The following ZNF77 variants were observed in gnomAD, a reference collection of about 807,000 sequenced individuals.
The protein encoded by ZNF77 is zinc finger protein 77.
ZNF77 carries 15 observed loss-of-function variants against 13.5 expected under a neutral mutation model. That is an observed-to-expected ratio of 1.11 (90% CI 0.74 to 1.71). The LOEUF is 1.71. Ranked by LOEUF, ZNF77 falls within the 40% of genes most tolerant of loss-of-function variation. The pLI, the probability that ZNF77 is intolerant of heterozygous loss-of-function variation, is 0.00. For synonymous variants in ZNF77, 282 were observed against 250.0 expected (o/e 1.13, Z -1.21); for missense variants, 717 against 676.4 (o/e 1.06, Z -0.67).
At chr19:2,936,305 G>A (rs1308294444) in intron 3 of ZNF77, among the ~76,000 whole-genome samples, 7 of 152,058 alleles carry the variant, frequency 4.6e-5, no homozygotes, top group East Asian at 1.9e-4. Flanking sequence ...GAGCCACCAC[G>A]CCCAGCTAAT....
chr19:2,938,846 T>C (rs1263706285), intron 2 of ZNF77, among the ~76,000 whole-genome samples: 8 of 151,890 alleles, frequency 5.3e-5, no homozygotes, highest in South Asian at 4.2e-4. Flanking sequence ...GTCCCAGCTA[T>C]TCAGGAGGCT....
chr19:2,940,891 G>C (rs12052048), intron 1 of ZNF77, among the ~76,000 whole-genome samples: 1 of 151,684 alleles, frequency 6.6e-6, no homozygotes, highest in Non-Finnish European at 1.5e-5. Flanking sequence ...AATGCTATCA[G>C]CAGCTGGGCT....
Position 2,944,961 on chromosome 19 carries a change from G to A in ZNF77, c.-121C>T. On this transcript the variant is annotated 5_prime_UTR_variant, in exon 1 of 4. Coordinates refer to ENST00000314531, the MANE Select transcript of ZNF77 (RefSeq NM_021217.3). ...GCGGGGAAGCGCGCAAGGCAGAGGG[G>A]AACTCGGCTTACCGTCCTCGGGGTC... is the stretch of plus-strand genomic sequence containing the variant. 1 of 1,305,082 alleles carries A rather than the reference G, an allele frequency of 7.7e-7. No homozygotes were observed. The highest frequency in any genetic ancestry group is 1.0e-6 in the Non-Finnish European group (1 of 985,384). The allele number at this position is 1,305,082 out of a possible 1,614,324, so 80.8% of individuals were successfully genotyped here. A position where few individuals can be genotyped will look rare whatever the true frequency, so the allele number is the denominator to read the frequency against.
In ZNF77 at chr19:2,934,814, TTC is replaced by T; in HGVS notation, c.312-1_312del. On this transcript the variant is annotated splice_acceptor_variant and coding_sequence_variant, in exon 4 of 4. Coordinates refer to ENST00000314531, the MANE Select transcript of ZNF77 (RefSeq NM_021217.3). LOFTEE classifies it high-confidence loss of function. ...CTTTCACAGAGTCTCCCCAGCTGAC[TTC>T]TGTTCAAAATGGGAAGCAAGCTACT... is the stretch of plus-strand genomic sequence containing the variant. 1 of 1,597,366 alleles carries T rather than the reference TTC, an allele frequency of 6.3e-7. No individual in the cohort carries two copies. The highest frequency in any genetic ancestry group is 8.6e-7 in the Non-Finnish European group (1 of 1,168,652).
At position 2,934,459 on chromosome 19, in the gene ZNF77, C is replaced by T. The variant is rs2088377148; in HGVS notation, c.668G>A (p.Cys223Tyr). The change falls in exon 4 of 4, where the codon TGT (cysteine) becomes TAT (tyrosine). Residue 223 changes from cysteine to tyrosine, a missense_variant. Physicochemically the swap from Cys to Tyr is radical, Grantham distance 194 (BLOSUM62 -2). Transcript: ENST00000314531. ...ECQKCGKAFI[C>Y]PSSFRGHVNS... ...CACATGTCCCCTGAAAGATGAGGGA[C>T]AAATGAAAGCTTTTCCACATTTCTG... 2 of 1,614,208 alleles carry T rather than the reference C, an allele frequency of 1.2e-6. No individual in the cohort carries two copies. The highest frequency in any genetic ancestry group is 1.7e-6 in the Non-Finnish European group (2 of 1,180,030).
chr19:2,933,838 T>C lies in ZNF77; in HGVS notation c.1289A>G (p.His430Arg), dbSNP rs1466061719. 1 of 1,613,764 alleles carries C rather than the reference T, an allele frequency of 6.2e-7. No homozygotes were observed. The highest frequency in any genetic ancestry group is 8.5e-7 in the Non-Finnish European group (1 of 1,179,746). Residue 430 changes from histidine to arginine, a missense_variant, in exon 4 of 4, where the codon CAT becomes CGT. Coordinates refer to ENST00000314531, the MANE Select transcript of ZNF77 (RefSeq NM_021217.3). ...ACACTCAAAGGGCTTCTCTCCAGTA[T>C]GCGTCCTCACGTGGATTCGAAGGGA... Reference protein sequence around the residue: ...SSSLRIHVRTHTGEKPFECKH... With the variant: ...SSSLRIHVRTRTGEKPFECKH...
chr19:2,943,692 ATTTTT>A (rs10633206), intron 1 of ZNF77, among the ~76,000 whole-genome samples: 39 of 76,770 alleles, frequency 5.1e-4, no homozygotes, highest in Non-Finnish European at 8.0e-4. Flanking sequence ...TCTAGCCAGG[ATTTTT>A]TTTTTTTTTT....
Position 2,933,801 on chromosome 19 carries a change from C to T in ZNF77, c.1326G>A (p.Gly442=), listed in dbSNP as rs756590467. Reference sequence around the variant, plus strand: ...GGGAGGAGTGACAGCTGAAGGCTTTCCCACAATGCTTACACTCAAAGGGCT... The same window carrying T: ...GGGAGGAGTGACAGCTGAAGGCTTTTCCACAATGCTTACACTCAAAGGGCT... The part of the protein sequence containing the change: ...GEKPFECKHC[G]KAFSCHSSLR... Residue 442 remains glycine (G), a synonymous_variant, in exon 4 of 4, where the codon GGG becomes GGA. Transcript: ENST00000314531. 6.2e-7 allele frequency: 1 copy of T among 1,613,046 alleles called. No individual in the cohort carries two copies. The highest frequency in any genetic ancestry group is 8.5e-7 in the Non-Finnish European group (1 of 1,179,196).
At chr19:2,938,573 C>T (rs2088417509) in intron 2 of ZNF77, among the ~76,000 whole-genome samples, 1 of 152,162 alleles carries the variant, frequency 6.6e-6, no homozygotes, top group African/African-American at 2.4e-5. Flanking sequence ...CATGGAGAAG[C>T]ATTTTGACTC....
chr19:2,935,306 C>T (rs977512144), intron 3 of ZNF77, among the ~76,000 whole-genome samples: 6 of 149,436 alleles, frequency 4.0e-5, no homozygotes, highest in African/African-American at 1.2e-4. Context: ...GTGTGAGCCA[C>T]CACACCCAGC....
chr19:2,944,606 C>A (rs1162533161), intron 1 of ZNF77, among the ~76,000 whole-genome samples: 1 of 151,990 alleles, frequency 6.6e-6, no homozygotes, highest in Admixed American at 6.6e-5. Context: ...AACTCCTGAC[C>A]TGTACTGTCC....
At chr19:2,943,012 C>T (rs1188233638) in intron 1 of ZNF77, among the ~76,000 whole-genome samples, 1 of 152,076 alleles carries the variant, frequency 6.6e-6, no homozygotes, top group African/African-American at 2.4e-5. Context: ...GAACTCCTGA[C>T]CTCAGGTGAT....
rs2088482073 is a variant in ZNF77 at position 2,944,850 on chromosome 19, G to A, written c.-10C>T. The A allele has an allele frequency of 3.9e-6, 6 of 1,525,838 alleles. No individual in the cohort carries two copies. The East Asian group carries it at 1.5e-4, about 38-fold the overall frequency. The allele number at this position is 1,525,838 out of a possible 1,614,324, so 94.5% of individuals were successfully genotyped here. A position where few individuals can be genotyped will look rare whatever the true frequency, so the allele number is the denominator to read the frequency against. On this transcript the variant is annotated 5_prime_UTR_variant, in exon 1 of 4. Transcript: ENST00000314531. ...GCCCGGCACTCACCATGTCCCGCCC[G>A]CTCCTGGGCTCTCCAGGGTTAGCGC...
rs189939227 is a variant in ZNF77, at chr19:2,936,800, T to C, written c.131-96A>G. 37 of 1,154,112 alleles carry C rather than the reference T, an allele frequency of 3.2e-5. No individual in the cohort carries two copies. In the Middle Eastern group the frequency reaches 9.8e-4, roughly 31 times the overall value. The allele number at this position is 1,154,112 out of a possible 1,614,324, so 71.5% of individuals were successfully genotyped here. ...TTCTTTTCATATAGTAATCCAAAAATGTACCGTTTATAAGGAAGAATAGAC... is the reference window on the plus strand; with the variant it reads ...TTCTTTTCATATAGTAATCCAAAAACGTACCGTTTATAAGGAAGAATAGAC... On this transcript the variant is annotated intron_variant, in intron 2 of 3. Coordinates refer to ENST00000314531, the MANE Select transcript of ZNF77 (RefSeq NM_021217.3).
In ZNF77 at chr19:2,934,428, A is replaced by C. The variant is rs763881771; in HGVS notation, c.699T>G (p.Ser233Arg). 1 of 1,614,218 alleles carries C rather than the reference A, an allele frequency of 6.2e-7. No individual in the cohort carries two copies. The highest frequency in any genetic ancestry group is 8.5e-7 in the Non-Finnish European group (1 of 1,180,038). The change falls in exon 4 of 4, where the codon AGT (serine) becomes AGG (arginine). Residue 233 changes from serine (S) to arginine (R), a missense_variant. Coordinates refer to ENST00000314531, the MANE Select transcript of ZNF77 (RefSeq NM_021217.3). ...CPSSFRGHVN[S>R]HHGQKTHACK... ...ATGCATGGGTTTTCTGCCCATGATG[A>C]CTATTCACATGTCCCCTGAAAGATG...
At chr19:2,939,575 C>A (rs2088431737) in intron 1 of ZNF77, 168 bp from the exon 2 acceptor site, 2 of 879,180 alleles carry the variant, frequency 2.3e-6, no homozygotes, top group East Asian at 2.6e-5. Context: ...CCGTGAGTAC[C>A]TTCCCAACAG....
chr19:2,943,733 C>T (rs2088471515), intron 1 of ZNF77, among the ~76,000 whole-genome samples: 1 of 78,374 alleles, frequency 1.3e-5, no homozygotes, highest in South Asian at 3.6e-4. Flanking sequence ...GTTTTTGAGA[C>T]GGAGTCTTTC....
chr19:2,943,198 C>T (rs2088465316), intron 1 of ZNF77, among the ~76,000 whole-genome samples: 1 of 152,072 alleles, frequency 6.6e-6, no homozygotes, highest in South Asian at 2.1e-4. Context: ...CCCCATGCCC[C>T]TGTTGCTTAT....
Position 2,936,615 on chromosome 19 carries a change from A to G in ZNF77, c.220T>C (p.Phe74Leu). 1 of 1,611,894 alleles carries G rather than the reference A, an allele frequency of 6.2e-7. No individual in the cohort carries two copies. Among genetic ancestry groups the G allele is most frequent in the Non-Finnish European group, 8.5e-7 (1 of 1,179,428 alleles). The change falls in exon 3 of 4, where the codon TTC (phenylalanine) becomes CTC (leucine). Residue 74 changes from phenylalanine to leucine, a missense_variant. Transcript: ENST00000314531. ...ATAGACCAGGAATCACTTCCTGTGAACTTTACAATCTCTTCATCATTGGAT... is the reference window on the plus strand; with the variant it reads ...ATAGACCAGGAATCACTTCCTGTGAGCTTTACAATCTCTTCATCATTGGAT... ...GISNDEEIVK[F>L]TGSDSWSIFG...
Sources: allele counts gnomAD v4.1 joint callset (sites outside exome capture counted in the v4.1 genomes callset), GRCh38; gene constraint gnomAD v4.1.1; transcripts MANE v1.5; gene names NCBI Gene and HGNC (gene_info 2026-07-23, HGNC 2026-07-21).